The following EPB41L5 variants were observed in gnomAD, a reference collection of about 807,000 sequenced individuals.
EPB41L5 encodes erythrocyte membrane protein band 4.1 like 5.
EPB41L5 carries 55 observed loss-of-function variants against 106.6 expected under a neutral mutation model. The observed-to-expected ratio is 0.52, with a 90% CI of 0.42 to 0.65. The LOEUF is 0.65. Ranked by LOEUF, EPB41L5 falls within the 30% of genes least tolerant of loss-of-function variation. The pLI is 0.00. For missense variants in EPB41L5, 871 were observed against 882.1 expected, an observed-to-expected ratio of 0.99 and a Z score of 0.16; for synonymous variants, 297 against 306.7, an observed-to-expected ratio of 0.97 and a Z score of 0.33.
rs79898240 is a variant in EPB41L5, at chr2:120,100,872, C to G, written c.1337+58C>G. 769 of 1,175,300 alleles carry G rather than the reference C, an allele frequency of 6.5e-4. 4 individuals carry two copies. In the African/African-American group the frequency reaches 0.011, roughly 16 times the overall value. 72.8% of individuals were successfully genotyped at this position (1,175,300 alleles called of 1,614,324 possible). A position where few individuals can be genotyped will look rare whatever the true frequency, so the allele number is the denominator to read the frequency against. On this transcript the variant is annotated intron_variant, in intron 16 of 24. Transcript: ENST00000263713. ...TGCCTAGTTAATTGTATTTGGAATT[C>G]CAAGTCATAATCTTAAAGTACTTTA...
At chr2:120,112,310 C>A (rs1684759927) in intron 16 of EPB41L5, among the ~76,000 whole-genome samples, 1 of 152,166 alleles carries the variant, frequency 6.6e-6, no homozygotes, top group Non-Finnish European at 1.5e-5. Flanking sequence ...CGTTTTTCAA[C>A]AGAATGTACG....
intron 16 of EPB41L5, among the ~76,000 whole-genome samples, chr2:120,120,596 T>A (rs13035394): frequency 0.65 from 99,099 of 151,626 alleles, 33,280 homozygotes; most frequent in Middle Eastern, 0.76. Context: ...GTGCTTTTTT[T>A]AAAAAAAACC....
At chr2:120,020,596 A>T (rs1415496367) in intron 2 of EPB41L5, among the ~76,000 whole-genome samples, 1 of 23,152 alleles carries the variant, frequency 4.3e-5, no homozygotes, top group Non-Finnish European at 1.8e-4. Flanking sequence ...ACATTCCAAC[A>T]TGAGATATTT....
intron 23 of EPB41L5, among the ~76,000 whole-genome samples, 159 bp downstream of exon 23, chr2:120,167,666 T>G (rs998631416): frequency 1.3e-5 from 2 of 152,268 alleles, no homozygotes; most frequent in African/African-American, 4.8e-5. Flanking sequence ...TGGCTTACCC[T>G]TTCTGGTTGT....
intron 14 of EPB41L5, among the ~76,000 whole-genome samples, chr2:120,093,796 T>G (rs192138212): frequency 4.6e-5 from 7 of 152,342 alleles, no homozygotes; most frequent in African/African-American, 1.7e-4. Flanking sequence ...TAATACTGGC[T>G]TTACAAAATA....
chr2:120,142,888 C>G (rs1255450922), intron 18 of EPB41L5, 115 bp from the exon 19 acceptor site: 210 of 910,878 alleles, frequency 2.3e-4, no homozygotes, highest in African/African-American at 1.7e-5. Flanking sequence ...GATATGGCTG[C>G]TTAAGACACA....
At chr2:120,081,522 T>C (rs1459377495) in intron 10 of EPB41L5, among the ~76,000 whole-genome samples, 1 of 152,244 alleles carries the variant, frequency 6.6e-6, no homozygotes, top group African/African-American at 2.4e-5. Flanking sequence ...CCTTGTAATA[T>C]AGTTTGAAGT....
chr2:120,083,418 A>G (rs1186769420), intron 10 of EPB41L5, among the ~76,000 whole-genome samples: 2 of 152,016 alleles, frequency 1.3e-5, no homozygotes, highest in African/African-American at 2.4e-5. Context: ...AGTGGTTTTG[A>G]GTGTTTCTTA....
chr2:120,122,583 G>A (rs1254549714), intron 16 of EPB41L5, among the ~76,000 whole-genome samples: 1 of 152,152 alleles, frequency 6.6e-6, no homozygotes, highest in Non-Finnish European at 1.5e-5. Flanking sequence ...CTGTAGCCTT[G>A]TAGTATAGTT....
chr2:120,054,019 C>T lies in EPB41L5; in HGVS notation c.285+11909C>T, dbSNP rs764337526. ...CAGTGATGGCACCATTCCACACTCCCTACCAGCAGTGTATGAGGATTCCTG... is the reference window on the plus strand; with the variant it reads ...CAGTGATGGCACCATTCCACACTCCTTACCAGCAGTGTATGAGGATTCCTG... On this transcript the variant is annotated intron_variant, in intron 3 of 24. Transcript: ENST00000263713. Among the ~76,000 whole-genome samples the T allele has an allele frequency of 7.8e-4, 119 of 152,194 alleles. 2 individuals are homozygous for T. Among genetic ancestry groups the T allele is most frequent in the Non-Finnish European group, 2.1e-4 (14 of 68,026 alleles).
Position 120,121,821 on chromosome 2 carries a change from C to T in EPB41L5, c.1338-5867C>T, listed in dbSNP as rs1685227790. ...CAGTGTAAAAGCATTCCTATTTCTCCACATCCTCTCCAGCATCTGTTGTTT... is the reference window on the plus strand; with the variant it reads ...CAGTGTAAAAGCATTCCTATTTCTCTACATCCTCTCCAGCATCTGTTGTTT... On this transcript the variant is annotated intron_variant, in intron 16 of 24. Coordinates refer to ENST00000263713, the MANE Select transcript of EPB41L5 (RefSeq NM_020909.4). Among the ~76,000 whole-genome samples the T allele has an allele frequency of 3.3e-5, 5 of 152,296 alleles. No individual in the cohort carries two copies. In the South Asian group the frequency reaches 1.0e-3, roughly 32 times the overall value.
chr2:120,160,813 T>G, intron 20 of EPB41L5, 68 bp from the exon 21 acceptor site: 1 of 1,159,128 alleles, frequency 8.6e-7, no homozygotes, highest in Non-Finnish European at 1.3e-6. Context: ...TCCTAAGCCC[T>G]TTCTTTGAAA....
intron 3 of EPB41L5, among the ~76,000 whole-genome samples, chr2:120,051,777 G>T (rs1412549725): frequency 2.0e-5 from 3 of 152,164 alleles, no homozygotes; most frequent in Non-Finnish European, 2.9e-5. Context: ...TCTACACTGG[G>T]TGATGTAGAC....
chr2:120,174,851 AT>A lies in EPB41L5; in HGVS notation c.2150del (p.Leu717TrpfsTer7), dbSNP rs775453320. The A allele has an allele frequency of 6.2e-7, 1 of 1,614,000 alleles. No individual in the cohort carries two copies. Among genetic ancestry groups the A allele is most frequent in the Non-Finnish European group, 8.5e-7 (1 of 1,180,014 alleles). On this transcript the variant is annotated frameshift_variant, in exon 25 of 25. Coordinates refer to ENST00000263713, the MANE Select transcript of EPB41L5 (RefSeq NM_020909.4). LOFTEE classifies it high-confidence loss of function. ...LVDAVTSSGP[I>X]LAEEAVLKQK... Reference sequence around the variant, plus strand: ...CTCTCTTCCTTTCAGCTCTGGTCCCATTTTGGCAGAAGAAGCTGTCCTGAAG... The same window carrying A: ...CTCTCTTCCTTTCAGCTCTGGTCCCATTTGGCAGAAGAAGCTGTCCTGAAG...
At chr2:120,156,506 C>G (rs1574773050) in intron 20 of EPB41L5, among the ~76,000 whole-genome samples, 1 of 152,192 alleles carries the variant, frequency 6.6e-6, no homozygotes, top group East Asian at 1.9e-4. Context: ...GCACCCTGCC[C>G]TGCCACTGCT....
intron 3 of EPB41L5, among the ~76,000 whole-genome samples, chr2:120,057,569 G>A (rs754854034): frequency 1.3e-5 from 2 of 151,534 alleles, no homozygotes; most frequent in Non-Finnish European, 2.9e-5. Context: ...GATGGATAAT[G>A]GTATAAATCT....
chr2:120,133,252 T>C (rs1302865152), intron 18 of EPB41L5, among the ~76,000 whole-genome samples: 1 of 152,072 alleles, frequency 6.6e-6, no homozygotes, highest in Non-Finnish European at 1.5e-5. Context: ...GAACACCAAA[T>C]TAAATAGCTC....
In EPB41L5 at chr2:120,018,920, G is replaced by C. The variant is rs190199378; in HGVS notation, c.-8-157G>C. The stretch of plus-strand genomic sequence containing the variant: ...CTAGGCCTCCCGAAGTGTTGAGATT[G>C]CAGGCGTGAGTCACTGCACCCAGCC... On this transcript the variant is annotated intron_variant, in intron 1 of 24. Transcript: ENST00000263713. Among the ~76,000 whole-genome samples, 7 of 152,222 alleles carry C rather than the reference G, an allele frequency of 4.6e-5. No homozygotes were observed. In the East Asian group the frequency reaches 1.3e-3, roughly 29 times the overall value.
At chr2:120,049,989 G>A (rs535359513) in intron 3 of EPB41L5, among the ~76,000 whole-genome samples, 5 of 152,174 alleles carry the variant, frequency 3.3e-5, no homozygotes, top group Admixed American at 1.3e-4. Flanking sequence ...TTGAATATTG[G>A]CCCCCACTGT....
Sources: gnomAD v4.1 joint callset for allele counts (sites outside exome capture counted in the v4.1 genomes callset) on GRCh38, gnomAD v4.1.1 for gene constraint, MANE v1.5 for transcripts, NCBI Gene and HGNC (gene_info 2026-07-23, HGNC 2026-07-21) for gene names.